Variants in ARID5A observed in about 807,000 individuals in gnomAD.
ARID5A encodes the protein AT-rich interaction domain 5A, also known as AT-rich interactive domain-containing protein 5A.
ARID5A carries 14 observed loss-of-function variants against 30.5 expected under a neutral mutation model. The ratio of observed to expected loss-of-function variants is 0.46; its 90% CI spans 0.30 to 0.72. ARID5A has a LOEUF of 0.72. ARID5A is among the 30% of genes least tolerant of loss of function. The pLI is 0.07. For missense variants in ARID5A, 669 were observed against 786.2 expected (o/e 0.85, Z 1.78); for synonymous variants, 338 against 340.4 (o/e 0.99, Z 0.08).
In ARID5A at chr2:96,551,919, C is replaced by G. The variant is rs2066056646; in HGVS notation, c.1391C>G (p.Pro464Arg). ...HSGKRLRAVS[P>R]FLKEADAKKC... ...GGGAAGAGACTGCGGGCCGTGTCTC[C>G]CTTTCTTAAGGAGGCGGATGCCAAG... Residue 464 changes from proline (P) to arginine (R), a missense_variant, in exon 7 of 7, where the codon CCC (proline) becomes CGC (arginine). By Grantham distance (103) the Pro-to-Arg change is moderately radical (BLOSUM62 -2). Transcript: ENST00000357485. 6.5e-7 allele frequency: 1 copy of G among 1,529,006 alleles called. No homozygotes were observed. The highest frequency in any genetic ancestry group is 1.4e-5 in the African/African-American group (1 of 71,886). The allele number at this position is 1,529,006 out of a possible 1,614,324, so 94.7% of individuals were successfully genotyped here. A position where few individuals can be genotyped will look rare whatever the true frequency, so the allele number is the denominator to read the frequency against.
At chr2:96,548,559 C>T (rs565784978) in intron 2 of ARID5A, among the ~76,000 whole-genome samples, 7 of 152,304 alleles carry the variant, frequency 4.6e-5, no homozygotes, top group South Asian at 2.1e-4. Context: ...AGTGAGCCAC[C>T]GTGCCCAGCT....
In ARID5A at chr2:96,539,498, C is replaced by G. The variant is rs567705391; in HGVS notation, c.4+2668C>G. Among the ~76,000 whole-genome samples the G allele has an allele frequency of 6.6e-6, 1 of 152,246 alleles. No homozygotes were observed. Among genetic ancestry groups the G allele is most frequent in the African/African-American group, 2.4e-5 (1 of 41,472 alleles). ...TGCCTTTGCATACCTGCCTTTGCTT[C>G]GCCAGGTTGGTTGGGCCCTGGCCAG... On this transcript the variant is annotated intron_variant, in intron 1 of 6. Coordinates refer to ENST00000357485, the MANE Select transcript of ARID5A (RefSeq NM_212481.3). This position sits in a 1 kb window ranked among gnomAD's most constrained non-coding sequence, Gnocchi z 4.7.
In ARID5A at chr2:96,549,340, GGGAGCGGGAGGAGGAGCA is replaced by G. The variant is rs758025417; in HGVS notation, c.161_178del (p.Glu54_Gln59del). The G allele has an allele frequency of 9.4e-5, 151 of 1,613,544 alleles. No individual in the cohort carries two copies. In the Admixed American group the frequency reaches 1.1e-3, roughly 12 times the overall value. Reference sequence around the variant, plus strand: ...CCCCAGGACTCCCCCGAGGCAGGCGGGGAGCGGGAGGAGGAGCAGGAGCGGGAGGAGGAGCAGGCCTTC... The same window carrying G: ...CCCCAGGACTCCCCCGAGGCAGGCGGGGAGCGGGAGGAGGAGCAGGCCTTC... On this transcript the variant is annotated inframe_deletion, in exon 3 of 7. Transcript: ENST00000357485. The surrounding 1 kb of genome is among the most constrained non-coding windows in gnomAD (Gnocchi z 6.1).
Position 96,551,538 on chromosome 2 carries a change from C to T in ARID5A, c.1010C>T (p.Ala337Val). 2.5e-6 allele frequency: 4 copies of T among 1,605,848 alleles called. No homozygotes were observed. Among genetic ancestry groups the T allele is most frequent in the Non-Finnish European group, 3.4e-6 (4 of 1,176,824 alleles). Residue 337 changes from alanine (A) to valine (V), a missense_variant, in exon 7 of 7, where the codon GCC becomes GTC. Coordinates refer to ENST00000357485, the MANE Select transcript of ARID5A (RefSeq NM_212481.3). ...EEAQAGPCPAAPIFKGCFYTH... is the reference protein window; with the variant it reads ...EEAQAGPCPAVPIFKGCFYTH... ...GCGCAGGCAGGCCCCTGCCCGGCAGCCCCCATCTTCAAGGGCTGCTTCTAC... is the reference window on the plus strand; with the variant it reads ...GCGCAGGCAGGCCCCTGCCCGGCAGTCCCCATCTTCAAGGGCTGCTTCTAC...
At position 96,550,013 on chromosome 2, in the gene ARID5A, C is replaced by T; in HGVS notation, c.313-175C>T. 1 of 1,533,934 alleles carries T rather than the reference C, an allele frequency of 6.5e-7. No homozygotes were observed. The highest frequency in any genetic ancestry group is 1.2e-5 in the South Asian group (1 of 83,066). ...TTCTGCCCGCCCCGTGTTGGGAAAA[C>T]TGCTTGGGCCAGCAGTCCATGGCCC... On this transcript the variant is annotated intron_variant, in intron 4 of 6. Coordinates refer to ENST00000357485, the MANE Select transcript of ARID5A (RefSeq NM_212481.3). This position sits in a 1 kb window ranked among gnomAD's most constrained non-coding sequence, Gnocchi z 6.6.
At chr2:96,551,062 T>C in intron 6 of ARID5A, 37 bp from the exon 7 acceptor site, 1 of 1,579,008 alleles carries the variant, frequency 6.3e-7, no homozygotes. Context: ...GATGTGGGGC[T>C]GAGGCAGTCC....
chr2:96,536,908 C>A (rs1364101230), intron 1 of ARID5A, 78 bp downstream of exon 1: 2 of 1,221,122 alleles, frequency 1.6e-6, no homozygotes, highest in Non-Finnish European at 2.0e-6. Flanking sequence ...CGCCGGGTCC[C>A]CTCCAGCCCT....
intron 1 of ARID5A, among the ~76,000 whole-genome samples, chr2:96,543,418 C>G (rs1006178250): frequency 1.3e-5 from 2 of 151,744 alleles, no homozygotes; most frequent in African/African-American, 2.4e-5. Flanking sequence ...TCGAGCAAGT[C>G]TATCGATGCC....
In ARID5A at chr2:96,550,233, G is replaced by T; in HGVS notation, c.358G>T (p.Gly120Cys). ...LWKNVYDELG[G>C]SPGSTSAATC... ...GAAGAACGTGTACGACGAGCTGGGG[G>T]GCAGCCCAGGCAGCACCAGCGCGGC... The change falls in exon 5 of 7, where the codon GGC becomes TGC. Residue 120 changes from glycine to cysteine, a missense_variant. Around this residue, in one of 4 missense-constraint regions of ARID5A, gnomAD observed 64 missense variants for 119.7 expected, o/e 0.53. Coordinates refer to ENST00000357485, the MANE Select transcript of ARID5A (RefSeq NM_212481.3). This position sits in a 1 kb window ranked among gnomAD's most constrained non-coding sequence, Gnocchi z 6.6. 1 of 1,524,328 alleles carries T rather than the reference G, an allele frequency of 6.6e-7. No homozygotes were observed. Among genetic ancestry groups the T allele is most frequent in the African/African-American group, 1.4e-5 (1 of 72,084 alleles). 94.4% of individuals were successfully genotyped at this position (1,524,328 alleles called of 1,614,324 possible).
chr2:96,552,529 A>T lies in ARID5A; in HGVS notation c.*216A>T. Reference sequence around the variant, plus strand: ...CCCAGGAGCAGAGGACCCAGTTGTTATAAGGCGCTGGGAGAGGATGGGCAG... The same window carrying T: ...CCCAGGAGCAGAGGACCCAGTTGTTTTAAGGCGCTGGGAGAGGATGGGCAG... On this transcript the variant is annotated 3_prime_UTR_variant, in exon 7 of 7. Transcript: ENST00000357485. 1 of 1,531,964 alleles carries T rather than the reference A, an allele frequency of 6.5e-7. No individual in the cohort carries two copies. The highest frequency in any genetic ancestry group is 8.7e-7 in the Non-Finnish European group (1 of 1,144,698). 94.9% of individuals were successfully genotyped at this position (1,531,964 alleles called of 1,614,324 possible). A position where few individuals can be genotyped will look rare whatever the true frequency, so the allele number is the denominator to read the frequency against.
chr2:96,540,615 G>T (rs1232692696), intron 1 of ARID5A, among the ~76,000 whole-genome samples: 2 of 152,228 alleles, frequency 1.3e-5, no homozygotes, highest in African/African-American at 2.4e-5. Flanking sequence ...TCTGAGGACT[G>T]CAGAGGGAAA....
intron 1 of ARID5A, among the ~76,000 whole-genome samples, chr2:96,545,251 G>T (rs1325184559): frequency 6.7e-6 from 1 of 148,712 alleles, no homozygotes; most frequent in Non-Finnish European, 1.5e-5. Flanking sequence ...CCGCCTCCTA[G>T]GTTCAAAGGA....
rs2065980559 is a variant in ARID5A at position 96,549,145 on chromosome 2, C to T, written c.121-176C>T. 6.6e-6 allele frequency among the ~76,000 whole-genome samples: 1 copy of T among 152,210 alleles called. No individual in the cohort carries two copies. The highest frequency in any genetic ancestry group is 2.4e-5 in the African/African-American group (1 of 41,464). On this transcript the variant is annotated intron_variant, in intron 2 of 6. Coordinates refer to ENST00000357485, the MANE Select transcript of ARID5A (RefSeq NM_212481.3). This position sits in a 1 kb window ranked among gnomAD's most constrained non-coding sequence, Gnocchi z 6.1. ...GTCCTGGGGCGCTGAGAGCTGACAC[C>T]TGTGTCTGCCGAACCCAGGAACAGT...
rs1323761655 is a variant in ARID5A, at chr2:96,539,620, A to T, written c.4+2790A>T. On this transcript the variant is annotated intron_variant, in intron 1 of 6. Coordinates refer to ENST00000357485, the MANE Select transcript of ARID5A (RefSeq NM_212481.3). The surrounding 1 kb of genome is among the most constrained non-coding windows in gnomAD (Gnocchi z 4.7). ...CTTTCCTCCTTCCTCAAGATTATGG[A>T]GATAACACCCCTTATTCAAAGATGG... 6.6e-6 allele frequency among the ~76,000 whole-genome samples: 1 copy of T among 152,184 alleles called. No individual in the cohort carries two copies. Among genetic ancestry groups the T allele is most frequent in the African/African-American group, 2.4e-5 (1 of 41,428 alleles).
Position 96,547,530 on chromosome 2 carries a change from C to T in ARID5A, c.120+13C>T. On this transcript the variant is annotated intron_variant, in intron 2 of 6. Coordinates refer to ENST00000357485, the MANE Select transcript of ARID5A (RefSeq NM_212481.3). ...CATCTCGCTGGAGGTGAGTTGACTC[C>T]CTCTGCTGACTCCCTGGGCACTCTT... The T allele has an allele frequency of 6.2e-7, 1 of 1,611,914 alleles. No homozygotes were observed. Among genetic ancestry groups the T allele is most frequent in the Non-Finnish European group, 8.5e-7 (1 of 1,178,388 alleles).
chr2:96,545,725 G>A (rs558548838), intron 1 of ARID5A, among the ~76,000 whole-genome samples: 53 of 152,076 alleles, frequency 3.5e-4, no homozygotes, highest in Non-Finnish European at 6.6e-4. Flanking sequence ...GGAGGCCGAG[G>A]TGGGTGGATC....
At chr2:96,548,619 A>ATGGTTTATG (rs1389787120) in intron 2 of ARID5A, among the ~76,000 whole-genome samples, 2 of 152,136 alleles carry the variant, frequency 1.3e-5, no homozygotes, top group Admixed American at 1.3e-4. Flanking sequence ...CCTAGTCCAG[A>ATGGTTTATG]TGGTTTATGT....
At position 96,551,610 on chromosome 2, in the gene ARID5A, AC is replaced by A; in HGVS notation, c.1083del (p.Phe362SerfsTer21). On this transcript the variant is annotated frameshift_variant, in exon 7 of 7. Transcript: ENST00000357485. LOFTEE classifies it low-confidence loss of function (END_TRUNC). ...VLKPVSQHPR[D>X]FFSRLKDGVL... ...AAGCCTGTCAGCCAGCACCCCAGGG[AC>A]TTCTTCTCTAGACTTAAAGATGGGG... 1 of 1,557,448 alleles carries A rather than the reference AC, an allele frequency of 6.4e-7. No homozygotes were observed. Among genetic ancestry groups the A allele is most frequent in the Non-Finnish European group, 8.6e-7 (1 of 1,156,922 alleles).
At position 96,536,801 on chromosome 2, in the gene ARID5A, C is replaced by G. The variant is rs989514741; in HGVS notation, c.-26C>G. ...CAGCCGCGCGCTGAGGGTCTCGGGG[C>G]GGGCGCCGCGGGACCTCTCCGGGCC... is the stretch of plus-strand genomic sequence containing the variant. On this transcript the variant is annotated 5_prime_UTR_variant, in exon 1 of 7. Transcript: ENST00000357485. 3 of 1,183,366 alleles carry G rather than the reference C, an allele frequency of 2.5e-6. No individual in the cohort carries two copies. The highest frequency in any genetic ancestry group is 3.1e-6 in the Non-Finnish European group (3 of 960,476). The allele number at this position is 1,183,366 out of a possible 1,614,324, so 73.3% of individuals were successfully genotyped here. A position where few individuals can be genotyped will look rare whatever the true frequency, so the allele number is the denominator to read the frequency against.
Sources: allele counts gnomAD v4.1 joint callset (sites outside exome capture counted in the v4.1 genomes callset), GRCh38; gene constraint gnomAD v4.1.1; regional missense constraint gnomAD v4.1.1; non-coding constraint Gnocchi (gnomAD v3.1); transcripts MANE v1.5; gene names NCBI Gene and HGNC (gene_info 2026-07-23, HGNC 2026-07-21).